The following BPTF variants were observed in gnomAD, a reference collection of about 807,000 sequenced individuals.
BPTF encodes the protein nucleosome-remodeling factor subunit BPTF.
BPTF carries 18 observed loss-of-function variants against 292.5 expected under a neutral mutation model. The observed-to-expected ratio is 0.06, with a 90% CI of 0.04 to 0.09. The LOEUF (loss-of-function observed/expected upper bound fraction) is 0.09, where lower values mean the gene tolerates loss of function less well. Ranked by LOEUF, BPTF falls within the 10% of genes least tolerant of loss-of-function variation. BPTF has a pLI of 1.00. For synonymous variants in BPTF, 1,225 were observed against 1,251.9 expected, an observed-to-expected ratio of 0.98 and a Z score of 0.45; for missense variants, 2,726 against 3,498.7, an observed-to-expected ratio of 0.78 and a Z score of 5.57.
At chr17:67,913,987 T>G (rs775786478) in intron 11 of BPTF, among the ~76,000 whole-genome samples, 8 of 152,220 alleles carry the variant, frequency 5.3e-5, no homozygotes, top group Non-Finnish European at 8.8e-5. Flanking sequence ...TGCTTTCTCC[T>G]TTTTCATGTC....
chr17:67,866,557 T>G lies in BPTF; in HGVS notation c.1530T>G (p.Asp510Glu). ...LAELIDCLDKDYWEAELCKIL... is the reference protein window; with the variant it reads ...LAELIDCLDKEYWEAELCKIL... The stretch of plus-strand genomic sequence containing the variant: ...AATTAATTGACTGTCTAGACAAAGA[T>G]TATTGGGAAGCAGAACTCTGCAAAA... The change falls in exon 3 of 28, where the codon GAT becomes GAG. Residue 510 changes from aspartate to glutamate, a missense_variant. By Grantham distance (45) the Asp-to-Glu change is conservative (BLOSUM62 2). Coordinates refer to ENST00000306378, the MANE Select transcript of BPTF (RefSeq NM_182641.4). 6.2e-7 allele frequency: 1 copy of G among 1,613,976 alleles called. No homozygotes were observed. Among genetic ancestry groups the G allele is most frequent in the East Asian group, 2.2e-5 (1 of 44,882 alleles).
intron 1 of BPTF, among the ~76,000 whole-genome samples, chr17:67,852,603 T>C (rs971410570): frequency 6.6e-6 from 1 of 152,250 alleles, no homozygotes. Context: ...TTGATTCCAT[T>C]CTGTAGATGC....
In BPTF at chr17:67,947,786, G is replaced by T. The variant is rs1555676177; in HGVS notation, c.7678G>T (p.Ala2560Ser). 1.3e-6 allele frequency: 2 copies of T among 1,552,856 alleles called. No individual in the cohort carries two copies. Among genetic ancestry groups the T allele is most frequent in the Non-Finnish European group, 8.7e-7 (1 of 1,147,488 alleles). ...AAAACAGAAAAAGAGCATGACTCCA[G>T]CTGAAAGAGAAGAGAATCAAAGGTA... ...HLKQKKSMTP[A>S]EREENQRMIV... Residue 2560 changes from alanine to serine, a missense_variant, in exon 22 of 28, where the codon GCT becomes TCT. By Grantham distance (99) the Ala-to-Ser change is moderately conservative. Coordinates refer to ENST00000306378, the MANE Select transcript of BPTF (RefSeq NM_182641.4).
At chr17:67,910,662 TG>T (rs1279801815) in intron 10 of BPTF, among the ~76,000 whole-genome samples, 2 of 151,988 alleles carry the variant, frequency 1.3e-5, no homozygotes, top group African/African-American at 4.8e-5. Flanking sequence ...AAGCCAGGCA[TG>T]GTGGCACATG....
intron 2 of BPTF, among the ~76,000 whole-genome samples, chr17:67,865,220 G>A (rs1193542242): frequency 1.3e-5 from 2 of 152,024 alleles, no homozygotes; most frequent in Admixed American, 6.6e-5. Flanking sequence ...TCAGATTTTC[G>A]GATTAAGGGA....
intron 7 of BPTF, among the ~76,000 whole-genome samples, chr17:67,899,852 A>G (rs2061705863): frequency 6.6e-6 from 1 of 151,896 alleles, no homozygotes; most frequent in South Asian, 2.1e-4. Flanking sequence ...CAAAAGGCAA[A>G]CTTATACAGT....
intron 1 of BPTF, among the ~76,000 whole-genome samples, chr17:67,853,382 T>A (rs1022209249): frequency 6.6e-6 from 1 of 152,146 alleles, no homozygotes; most frequent in African/African-American, 2.4e-5. Context: ...TGTCTTCACC[T>A]TGAGCCCATG....
intron 1 of BPTF, among the ~76,000 whole-genome samples, chr17:67,837,749 G>T (rs1379490024): frequency 1.3e-5 from 2 of 152,210 alleles, no homozygotes; most frequent in East Asian, 1.9e-4. Flanking sequence ...ATCTACTAAG[G>T]TTTACTCAGA....
At position 67,912,459 on chromosome 17, in the gene BPTF, C is replaced by A; in HGVS notation, c.4575C>A (p.Ser1525Arg). The change falls in exon 11 of 28, where the codon AGC becomes AGA. Residue 1525 changes from serine (S) to arginine (R), a missense_variant. This residue lies in a region of BPTF where 713 missense variants were observed against 714.9 expected (regional missense o/e 1.00). Coordinates refer to ENST00000306378, the MANE Select transcript of BPTF (RefSeq NM_182641.4). ...TTTPSASCPE[S>R]NSVNQVEDME... ...CACCCTCAGCATCTTGTCCAGAAAGCAATTCAGTTAATCAGGTAGAAGATA... is the reference window on the plus strand; with the variant it reads ...CACCCTCAGCATCTTGTCCAGAAAGAAATTCAGTTAATCAGGTAGAAGATA... The A allele has an allele frequency of 6.2e-7, 1 of 1,613,642 alleles. No homozygotes were observed. Among genetic ancestry groups the A allele is most frequent in the Non-Finnish European group, 8.5e-7 (1 of 1,179,926 alleles).
intron 19 of BPTF, 29 bp downstream of exon 19, chr17:67,940,685 T>C (rs1598800620): frequency 3.8e-6 from 6 of 1,584,526 alleles, no homozygotes; most frequent in Non-Finnish European, 4.3e-6. Flanking sequence ...ATTTTAACTT[T>C]AGAGGTGATC....
intron 27 of BPTF, among the ~76,000 whole-genome samples, chr17:67,979,791 A>G (rs557938511): frequency 1.3e-5 from 2 of 152,224 alleles, no homozygotes; most frequent in South Asian, 4.2e-4. Flanking sequence ...CTGTAATCCC[A>G]GCCCTTTGGA....
intron 19 of BPTF, among the ~76,000 whole-genome samples, chr17:67,942,010 GACAA>G (rs1461821329): frequency 1.3e-5 from 2 of 152,040 alleles, no homozygotes; most frequent in African/African-American, 4.8e-5. Flanking sequence ...TAGGAAAAAA[GACAA>G]ACAGGCAAGG....
At chr17:67,915,408 C>T (rs753371905) in intron 11 of BPTF, among the ~76,000 whole-genome samples, 2 of 152,218 alleles carry the variant, frequency 1.3e-5, no homozygotes, top group Admixed American at 6.5e-5. Flanking sequence ...AGATCACATT[C>T]ATGGAAAGTA....
chr17:67,969,309 C>G (rs1310370892), intron 26 of BPTF, among the ~76,000 whole-genome samples: 1 of 150,740 alleles, frequency 6.6e-6, no homozygotes, highest in African/African-American at 2.5e-5. Context: ...CAAAAATTAG[C>G]TGGGTGTGGT....
intron 1 of BPTF, among the ~76,000 whole-genome samples, chr17:67,833,715 T>C (rs1266605064): frequency 1.3e-5 from 2 of 151,924 alleles, no homozygotes; most frequent in Non-Finnish European, 1.5e-5. Context: ...ACTACAGGTG[T>C]GTGCCACCAT....
At chr17:67,826,385 C>T in intron 1 of BPTF, 48 bp downstream of exon 1, 1 of 1,539,626 alleles carries the variant, frequency 6.5e-7, no homozygotes, top group South Asian at 1.2e-5. Context: ...ACCTCCTCTG[C>T]CCTCCCCCCT....
chr17:67,919,021 A>T (rs1202124023), intron 12 of BPTF, among the ~76,000 whole-genome samples, 183 bp downstream of exon 12: 2 of 150,768 alleles, frequency 1.3e-5, no homozygotes, highest in Non-Finnish European at 3.0e-5. Context: ...AAATACAAAA[A>T]ATTACCTGGG....
At chr17:67,882,812 G>T (rs189386420) in intron 4 of BPTF, among the ~76,000 whole-genome samples, 1 of 151,816 alleles carries the variant, frequency 6.6e-6, no homozygotes, top group East Asian at 1.9e-4. Flanking sequence ...TTCAAGACCA[G>T]CCTGCCCAAC....
chr17:67,931,847 T>TA (rs2147542570), intron 17 of BPTF, 64 bp from the exon 18 acceptor site: 2 of 1,220,176 alleles, frequency 1.6e-6, no homozygotes, highest in Non-Finnish European at 2.3e-6. Flanking sequence ...TCTTGTGTTC[T>TA]AAGTCCATTA....
Sources: gnomAD v4.1 joint callset for allele counts (sites outside exome capture counted in the v4.1 genomes callset) on GRCh38, gnomAD v4.1.1 for gene constraint, gnomAD v4.1.1 regional missense constraint, MANE v1.5 for transcripts, NCBI Gene and HGNC (gene_info 2026-07-23, HGNC 2026-07-21) for gene names.